The following CA10 variants were observed in gnomAD, a reference collection of about 807,000 sequenced individuals.
The protein encoded by CA10 is carbonic anhydrase 10 (inactive), also known as carbonic anhydrase-related protein 10.
In CA10, 14 loss-of-function variants were observed where a neutral mutation model predicts 44.2. That is an observed-to-expected ratio of 0.32 (90% CI 0.21 to 0.50). The LOEUF is 0.50. Among genes scored for constraint, CA10 ranks in the 20% least tolerant of loss-of-function variants. The pLI is 0.99. For synonymous variants in CA10, 159 were observed against 141.6 expected (o/e 1.12, Z -0.87); for missense variants, 350 against 409.7 (o/e 0.85, Z 1.26).
At chr17:52,115,299 G>C (rs1988869378) in intron 1 of CA10, among the ~76,000 whole-genome samples, 1 of 152,186 alleles carries the variant, frequency 6.6e-6, no homozygotes, top group Admixed American at 6.5e-5. Flanking sequence ...CTGGTCTTGA[G>C]ACAAGACCTA....
At chr17:51,978,595 T>C (rs190891938) in intron 2 of CA10, among the ~76,000 whole-genome samples, 1 of 152,198 alleles carries the variant, frequency 6.6e-6, no homozygotes, top group East Asian at 1.9e-4. Flanking sequence ...ACAAAAAATG[T>C]ACAAAAAGAT....
chr17:52,110,010 A>G (rs984874436), intron 1 of CA10, among the ~76,000 whole-genome samples: 1 of 152,216 alleles, frequency 6.6e-6, no homozygotes, highest in Non-Finnish European at 1.5e-5. Flanking sequence ...GTGCATGCTC[A>G]TACCCTCCTA....
chr17:52,114,940 G>C (rs573534798), intron 1 of CA10, among the ~76,000 whole-genome samples: 36 of 152,304 alleles, frequency 2.4e-4, no homozygotes, highest in African/African-American at 8.4e-4. Context: ...CTAATGCTAT[G>C]CTCTGCCACT....
At chr17:51,838,148 T>A (rs1198644690) in intron 3 of CA10, among the ~76,000 whole-genome samples, 10 of 152,162 alleles carry the variant, frequency 6.6e-5, no homozygotes, top group Non-Finnish European at 1.3e-4. Flanking sequence ...TTAACAGATT[T>A]AAAAAATCTA....
intron 4 of CA10, among the ~76,000 whole-genome samples, chr17:51,724,488 C>T (rs927133232): frequency 6.6e-6 from 1 of 152,198 alleles, no homozygotes; most frequent in Non-Finnish European, 1.5e-5. Flanking sequence ...GGCCCAACCA[C>T]TTCTGAATGA....
chr17:51,984,955 A>G (rs923923226), intron 2 of CA10, among the ~76,000 whole-genome samples: 3 of 151,978 alleles, frequency 2.0e-5, no homozygotes, highest in African/African-American at 7.2e-5. Context: ...AGTTGGTACC[A>G]ATCCTTCTGA....
chr17:51,647,818 C>G (rs1483271597), intron 6 of CA10, among the ~76,000 whole-genome samples: 2 of 152,176 alleles, frequency 1.3e-5, no homozygotes, highest in African/African-American at 4.8e-5. Context: ...GCTGAGCAAT[C>G]TAAGTGTGTG....
chr17:51,804,236 A>G (rs1391194281), intron 3 of CA10, among the ~76,000 whole-genome samples: 1 of 152,162 alleles, frequency 6.6e-6, no homozygotes, highest in African/African-American at 2.4e-5. Flanking sequence ...ATTAATCTGG[A>G]GGAAAAAAGA....
chr17:51,633,930 G>A (rs1458719003), intron 7 of CA10, among the ~76,000 whole-genome samples: 3 of 152,186 alleles, frequency 2.0e-5, no homozygotes, highest in Non-Finnish European at 4.4e-5. Flanking sequence ...ATCCAAAAAA[G>A]GAGCAAATCT....
chr17:51,913,404 G>A (rs1981865483), intron 3 of CA10, among the ~76,000 whole-genome samples: 1 of 152,124 alleles, frequency 6.6e-6, no homozygotes, highest in Non-Finnish European at 1.5e-5. Context: ...CTCACCTGGT[G>A]CAGTTCACTC....
chr17:52,095,456 C>T (rs1449414794), intron 1 of CA10, among the ~76,000 whole-genome samples: 1 of 151,988 alleles, frequency 6.6e-6, no homozygotes, highest in Non-Finnish European at 1.5e-5. Flanking sequence ...AAGATTTGTG[C>T]ATTTTATATG....
At chr17:51,876,262 G>A (rs572017482) in intron 3 of CA10, among the ~76,000 whole-genome samples, 1 of 145,876 alleles carries the variant, frequency 6.9e-6, no homozygotes, top group Admixed American at 7.0e-5. Flanking sequence ...GACCTCTCAG[G>A]CTCAAGCAAT....
At chr17:52,016,310 G>A (rs1258752726) in intron 2 of CA10, among the ~76,000 whole-genome samples, 3 of 152,100 alleles carry the variant, frequency 2.0e-5, no homozygotes, top group African/African-American at 7.2e-5. Context: ...CTACATGAGA[G>A]AGATTAACTT....
chr17:51,644,866 T>G (rs1913254167), intron 6 of CA10, among the ~76,000 whole-genome samples: 1 of 149,264 alleles, frequency 6.7e-6, no homozygotes, highest in Admixed American at 6.7e-5. Context: ...TGGTACGATC[T>G]CAGCTCACTG....
rs926491618 is a variant in CA10, at chr17:51,906,528, A to G, written c.279+24462T>C. ...CACTCAATTCTTAGCCCTCTTTTCT[A>G]ACTACATTCACTCCCTGGATAGTCT... On this transcript the variant is annotated intron_variant, in intron 3 of 8. Transcript: ENST00000451037. Among the ~76,000 whole-genome samples, 4 of 152,108 alleles carry G rather than the reference A, an allele frequency of 2.6e-5. 1 individual carries two copies. The highest frequency in any genetic ancestry group is 9.7e-5 in the African/African-American group (4 of 41,428).
At chr17:52,009,940 G>A (rs1236920622) in intron 2 of CA10, among the ~76,000 whole-genome samples, 1 of 151,918 alleles carries the variant, frequency 6.6e-6, no homozygotes, top group Non-Finnish European at 1.5e-5. Flanking sequence ...GTGGGCTAAG[G>A]ACATGAATAG....
At chr17:51,910,964 T>C (rs2143950593) in intron 3 of CA10, among the ~76,000 whole-genome samples, 1 of 152,284 alleles carries the variant, frequency 6.6e-6, no homozygotes, top group African/African-American at 2.4e-5. Context: ...CTATGTTAAA[T>C]TTTCAAGTAA....
At chr17:51,902,390 C>A (rs762073268) in intron 3 of CA10, among the ~76,000 whole-genome samples, 14 of 152,074 alleles carry the variant, frequency 9.2e-5, no homozygotes, top group Non-Finnish European at 1.3e-4. Flanking sequence ...ATGATTTATG[C>A]TTTTCTCAGT....
intron 3 of CA10, 96 bp from the exon 4 acceptor site, chr17:51,747,914 C>T: frequency 4.4e-6 from 4 of 911,786 alleles, no homozygotes; most frequent in Non-Finnish European, 6.7e-6. Flanking sequence ...TTTGCTTCCT[C>T]TTGATGGGAA....
Sources: allele counts gnomAD v4.1 joint callset (sites outside exome capture counted in the v4.1 genomes callset), GRCh38; gene constraint gnomAD v4.1.1; transcripts MANE v1.5; gene names NCBI Gene and HGNC (gene_info 2026-07-23, HGNC 2026-07-21).